The following ELAPOR2 variants were observed in gnomAD, a reference collection of about 807,000 sequenced individuals.
ELAPOR2 encodes the protein endosome/lysosome-associated apoptosis and autophagy regulator family member 2.
ELAPOR2 carries 89 observed loss-of-function variants against 120.7 expected under a neutral mutation model. The observed-to-expected ratio is 0.74, with a 90% CI of 0.62 to 0.88. ELAPOR2 has a LOEUF of 0.88. Ranked by LOEUF, ELAPOR2 falls within the 40% of genes least tolerant of loss-of-function variation. The pLI is 0.00. For missense variants in ELAPOR2, 1,134 were observed against 1,251.6 expected, an observed-to-expected ratio of 0.91 and a Z score of 1.42; for synonymous variants, 444 against 444.9, an observed-to-expected ratio of 1.00 and a Z score of 0.03.
In ELAPOR2 at chr7:86,945,053, A is replaced by G. The variant is rs184020377; in HGVS notation, c.507-7T>C. ...ACGAGGGATCCAAGAAGAGCTGTGG[A>G]AACAAAACCAAGAAGCACTTTACAT... is the stretch of plus-strand genomic sequence containing the variant. On this transcript the variant is annotated splice_polypyrimidine_tract_variant and splice_region_variant and intron_variant, in intron 3 of 21. Transcript: ENST00000450689. 269 of 1,546,556 alleles carry G rather than the reference A, an allele frequency of 1.7e-4. 5 individuals carry two copies. The Admixed American group carries it at 5.3e-3, about 31-fold the overall frequency.
chr7:86,923,907 G>A (rs1373118628), intron 10 of ELAPOR2, among the ~76,000 whole-genome samples: 2 of 152,016 alleles, frequency 1.3e-5, no homozygotes, highest in East Asian at 3.9e-4. Context: ...CTACATACCT[G>A]TTCTGTAACT....
At chr7:87,033,609 T>C (rs1247513777) in intron 1 of ELAPOR2, among the ~76,000 whole-genome samples, 1 of 152,048 alleles carries the variant, frequency 6.6e-6, no homozygotes, top group Non-Finnish European at 1.5e-5. Flanking sequence ...AAATATGACA[T>C]TTTTTCCAAA....
chr7:87,010,137 G>T (rs947622101), intron 1 of ELAPOR2, among the ~76,000 whole-genome samples: 2 of 152,180 alleles, frequency 1.3e-5, no homozygotes, highest in African/African-American at 4.8e-5. Flanking sequence ...CAAAGCTTCA[G>T]TCTACAACTG....
chr7:87,008,962 G>A (rs1013986043), intron 1 of ELAPOR2, among the ~76,000 whole-genome samples: 1 of 152,092 alleles, frequency 6.6e-6, no homozygotes, highest in Non-Finnish European at 1.5e-5. Context: ...TATTTCATAA[G>A]TGGAAAACAA....
intron 1 of ELAPOR2, among the ~76,000 whole-genome samples, chr7:87,039,107 A>C (rs1484286577): frequency 6.6e-6 from 1 of 152,202 alleles, no homozygotes; most frequent in Admixed American, 6.5e-5. Context: ...CAGAAATGCA[A>C]AGGATCATTA....
At chr7:87,052,632 G>A (rs1002035642) in intron 1 of ELAPOR2, among the ~76,000 whole-genome samples, 5 of 152,100 alleles carry the variant, frequency 3.3e-5, no homozygotes, top group African/African-American at 1.2e-4. Context: ...CTAGTCCTAG[G>A]AGCTCACTTT....
intron 3 of ELAPOR2, 63 bp downstream of exon 3, chr7:86,947,664 A>T: frequency 1.5e-6 from 2 of 1,361,950 alleles, no homozygotes; most frequent in Non-Finnish European, 2.0e-6. Flanking sequence ...TCTTTCTGGA[A>T]AAGAGCAACT....
chr7:87,038,441 C>A (rs1168795181), intron 1 of ELAPOR2, among the ~76,000 whole-genome samples: 4 of 151,938 alleles, frequency 2.6e-5, no homozygotes, highest in Non-Finnish European at 5.9e-5. Context: ...GATGCAAACA[C>A]CTAAATAGGA....
chr7:86,911,753 G>T, intron 15 of ELAPOR2: 1 of 503,930 alleles, frequency 2.0e-6, no homozygotes, highest in Non-Finnish European at 3.9e-6. Flanking sequence ...ATAACTTCCT[G>T]CCTAAAGAGG....
chr7:87,001,133 G>A (rs1793302877), intron 1 of ELAPOR2, among the ~76,000 whole-genome samples: 1 of 152,086 alleles, frequency 6.6e-6, no homozygotes, highest in Non-Finnish European at 1.5e-5. Flanking sequence ...TACTACATTA[G>A]ACCTCCAGCT....
intron 18 of ELAPOR2, among the ~76,000 whole-genome samples, chr7:86,899,012 T>C (rs539790402): frequency 6.6e-6 from 1 of 152,290 alleles, no homozygotes; most frequent in African/African-American, 2.4e-5. Flanking sequence ...TTGGGTTTCC[T>C]TGGCCTAATG....
intron 1 of ELAPOR2, among the ~76,000 whole-genome samples, chr7:87,045,529 A>T: frequency 6.8e-6 from 1 of 147,650 alleles, no homozygotes; most frequent in African/African-American, 2.5e-5. Flanking sequence ...AACACCACAT[A>T]TTCTCACTCA....
intron 18 of ELAPOR2, among the ~76,000 whole-genome samples, chr7:86,904,302 T>A (rs1357915559): frequency 6.6e-6 from 1 of 152,216 alleles, no homozygotes. Context: ...AGGTCTAAAT[T>A]CTTCCCAATA....
intron 19 of ELAPOR2, among the ~76,000 whole-genome samples, chr7:86,896,003 T>G (rs1788419568): frequency 1.3e-5 from 2 of 152,080 alleles, no homozygotes. Context: ...CTTAAAAATA[T>G]TAAAAAGAAA....
At chr7:86,945,183 A>T (rs1314439976) in intron 3 of ELAPOR2, 137 bp from the exon 4 acceptor site, 3 of 670,376 alleles carry the variant, frequency 4.5e-6, no homozygotes, top group African/African-American at 1.9e-5. Flanking sequence ...TTCCAGACTC[A>T]AAGGCCAACT....
rs143227246 is a variant in ELAPOR2 at position 86,913,878 on chromosome 7, G to A, written c.1732-674C>T. ...CGTCACTCTATCGGTACAGAGCAGT[G>A]TTACTCCAGACTACTTAATGCTTTT... is the stretch of plus-strand genomic sequence containing the variant. On this transcript the variant is annotated intron_variant, in intron 13 of 21. Coordinates refer to ENST00000450689, the MANE Select transcript of ELAPOR2 (RefSeq NM_001142749.3). 8.5e-5 allele frequency among the ~76,000 whole-genome samples: 13 copies of A among 152,290 alleles called. No individual in the cohort carries two copies. The East Asian group carries it at 2.3e-3, about 27-fold the overall frequency.
intron 16 of ELAPOR2, among the ~76,000 whole-genome samples, chr7:86,909,087 T>C (rs1193460792): frequency 6.6e-6 from 1 of 151,820 alleles, no homozygotes; most frequent in African/African-American, 2.4e-5. Context: ...CAAAACACAA[T>C]AAGAGCAAAC....
chr7:86,956,673 C>T (rs1562942552), intron 2 of ELAPOR2, among the ~76,000 whole-genome samples: 1 of 152,182 alleles, frequency 6.6e-6, no homozygotes, highest in Non-Finnish European at 1.5e-5. Context: ...AATGTTTAAT[C>T]TCTGAAAGAA....
intron 1 of ELAPOR2, among the ~76,000 whole-genome samples, chr7:87,033,573 G>A (rs545455455): frequency 2.6e-4 from 40 of 152,256 alleles, no homozygotes; most frequent in African/African-American, 9.1e-4. Context: ...CAGACTGTAT[G>A]TCTTTAAATG....
Sources: allele counts gnomAD v4.1 joint callset (sites outside exome capture counted in the v4.1 genomes callset), GRCh38; gene constraint gnomAD v4.1.1; transcripts MANE v1.5; gene names NCBI Gene and HGNC (gene_info 2026-07-23, HGNC 2026-07-21).